G3BP2: variants seen among roughly 807,000 people sequenced by gnomAD.
G3BP2 encodes G3BP stress granule assembly factor 2, also known as ras GTPase-activating protein-binding protein 2.
Under a neutral mutation model 56.7 loss-of-function variants are expected in G3BP2, and 11 were observed. That is an observed-to-expected ratio of 0.19 (90% CI 0.12 to 0.32). The LOEUF is 0.32. Ranked by LOEUF, G3BP2 falls within the 10% of genes least tolerant of loss-of-function variation. The probability of loss-of-function intolerance (pLI) is 1.00; values close to 1 mark genes in which losing one functional copy is unlikely to be tolerated. For synonymous variants in G3BP2, 165 were observed against 191.6 expected, an observed-to-expected ratio of 0.86 and a Z score of 1.15; for missense variants, 340 against 610.9, an observed-to-expected ratio of 0.56 and a Z score of 4.67.
chr4:75,701,827 T>C (rs1017178265), intron 3 of G3BP2, among the ~76,000 whole-genome samples: 1 of 152,174 alleles, frequency 6.6e-6, no homozygotes, highest in Non-Finnish European at 1.5e-5. Flanking sequence ...TTCTACCCAC[T>C]GGAATACTCT....
chr4:75,692,583 T>A (rs1718906408), intron 3 of G3BP2, among the ~76,000 whole-genome samples: 1 of 152,154 alleles, frequency 6.6e-6, no homozygotes, highest in Non-Finnish European at 1.5e-5. Flanking sequence ...GTGCTGAGAT[T>A]ACAGGTGTGA....
rs1351478020 is a variant in G3BP2 at position 75,645,209 on chromosome 4, T to C, written c.*221A>G. On this transcript the variant is annotated 3_prime_UTR_variant, in exon 12 of 12. Transcript: ENST00000359707. Reference sequence around the variant, plus strand: ...TTAAGATATGGTCATTTCTCAGTCCTTAATTCTCCAAGTCTAGATTTATAA... The same window carrying C: ...TTAAGATATGGTCATTTCTCAGTCCCTAATTCTCCAAGTCTAGATTTATAA... 1.7e-6 allele frequency: 1 copy of C among 578,238 alleles called. No homozygotes were observed. The highest frequency in any genetic ancestry group is 3.3e-5 in the Admixed American group (1 of 30,254). 35.8% of individuals were successfully genotyped at this position (578,238 alleles called of 1,614,324 possible).
chr4:75,689,658 T>C (rs555729603), intron 3 of G3BP2, among the ~76,000 whole-genome samples: 2 of 152,342 alleles, frequency 1.3e-5, no homozygotes, highest in South Asian at 2.1e-4. Flanking sequence ...GATCAAATTA[T>C]TTTTACACTG....
At position 75,643,377 on chromosome 4, in the gene G3BP2, G is replaced by C. The variant is rs1194893469; in HGVS notation, c.*2053C>G. 6.9e-6 allele frequency: 1 copy of C among 144,708 alleles called. No homozygotes were observed. Among genetic ancestry groups the C allele is most frequent in the Non-Finnish European group, 1.5e-5 (1 of 66,236 alleles). The allele number at this position is 144,708 out of a possible 1,614,324, so 9.0% of individuals were successfully genotyped here. On this transcript the variant is annotated 3_prime_UTR_variant, in exon 12 of 12. Coordinates refer to ENST00000359707, the MANE Select transcript of G3BP2 (RefSeq NM_203505.3). ...AAAAAACATTGACAATAAAACAACT[G>C]CTTCTTTAAAAGTAGTATTAATAAA...
At chr4:75,682,982 CAAA>C (rs36085589) in intron 3 of G3BP2, among the ~76,000 whole-genome samples, 2 of 126,198 alleles carry the variant, frequency 1.6e-5, no homozygotes, top group African/African-American at 2.9e-5. Context: ...GACTCCGTCT[CAAA>C]AAAAAAAAAA....
At chr4:75,688,098 A>G (rs1718686089) in intron 3 of G3BP2, among the ~76,000 whole-genome samples, 1 of 152,132 alleles carries the variant, frequency 6.6e-6, no homozygotes, top group South Asian at 2.1e-4. Context: ...GTAACCCCCT[A>G]ATAAAACTCT....
At position 75,645,368 on chromosome 4, in the gene G3BP2, T is replaced by A; in HGVS notation, c.*62A>T. On this transcript the variant is annotated 3_prime_UTR_variant, in exon 12 of 12. Transcript: ENST00000359707. ...CACATTCCAAAGCCAAAAAAAAAAT[T>A]AACAAGAATGCAAACACGATGAATA... The A allele has an allele frequency of 1.3e-6, 2 of 1,488,102 alleles. No individual in the cohort carries two copies. Among genetic ancestry groups the A allele is most frequent in the South Asian group, 2.6e-5 (2 of 76,908 alleles). The allele number at this position is 1,488,102 out of a possible 1,614,324, so 92.2% of individuals were successfully genotyped here. A position where few individuals can be genotyped will look rare whatever the true frequency, so the allele number is the denominator to read the frequency against.
chr4:75,658,529 G>C (rs533433162), intron 3 of G3BP2, among the ~76,000 whole-genome samples: 1 of 151,580 alleles, frequency 6.6e-6, no homozygotes, highest in Admixed American at 6.6e-5. Flanking sequence ...TTGGGAGTTC[G>C]AGACCAGCCT....
At chr4:75,711,196 G>A (rs541486278) in intron 3 of G3BP2, among the ~76,000 whole-genome samples, 13 of 151,752 alleles carry the variant, frequency 8.6e-5, no homozygotes, top group African/African-American at 3.1e-4. Context: ...GCGGGTGCCT[G>A]TAATCCCAGC....
intron 9 of G3BP2, 146 bp from the exon 10 acceptor site, chr4:75,647,303 C>T: frequency 1.9e-6 from 1 of 534,616 alleles, no homozygotes; most frequent in South Asian, 3.0e-5. Flanking sequence ...GGCAAAAGTA[C>T]TTATTACTAG....
At chr4:75,661,826 CA>C in intron 2 of G3BP2, 104 bp downstream of exon 2, 1 of 632,616 alleles carries the variant, frequency 1.6e-6, no homozygotes, top group Non-Finnish European at 2.9e-6. Context: ...GACATGTTTA[CA>C]AAGATACTGT....
chr4:75,674,708 A>ATG (rs1733773086), upstream of G3BP2, among the ~76,000 whole-genome samples: 1 of 44,248 alleles, frequency 2.3e-5, no homozygotes, highest in Non-Finnish European at 4.6e-5. Context: ...ATATATATAT[A>ATG]TATATATATA....
chr4:75,718,220 T>C (rs1426465042), intron 3 of G3BP2, among the ~76,000 whole-genome samples: 2 of 110,802 alleles, frequency 1.8e-5, no homozygotes, highest in Admixed American at 2.1e-4. Context: ...AATTTAGGTG[T>C]TTCTTCTTTC....
At chr4:75,665,616 CAA>C (rs1732953484) in intron 1 of G3BP2, among the ~76,000 whole-genome samples, 1 of 51,070 alleles carries the variant, frequency 2.0e-5, no homozygotes, top group African/African-American at 1.6e-4. Flanking sequence ...CCTGTAGTCA[CAA>C]ACACACAAAC....
chr4:75,654,159 T>C, intron 7 of G3BP2, 78 bp from the exon 8 acceptor site: 1 of 717,246 alleles, frequency 1.4e-6, no homozygotes, highest in Non-Finnish European at 2.5e-6. Context: ...TCCAAATATA[T>C]ATTTTCTTTT....
At chr4:75,649,612 C>T (rs1042904598) in intron 8 of G3BP2, among the ~76,000 whole-genome samples, 8 of 152,110 alleles carry the variant, frequency 5.3e-5, no homozygotes, top group Non-Finnish European at 1.0e-4. Flanking sequence ...CTTCTACTAC[C>T]CAAATATTTA....
chr4:75,647,277 A>G, intron 9 of G3BP2, 120 bp from the exon 10 acceptor site: 1 of 630,576 alleles, frequency 1.6e-6, no homozygotes. Context: ...AGACTAGGTG[A>G]GCTTCTTGAA....
intron 3 of G3BP2, 91 bp downstream of exon 3, chr4:75,658,749 AAAG>A: frequency 2.5e-6 from 2 of 813,474 alleles, no homozygotes; most frequent in Non-Finnish European, 4.2e-6. Flanking sequence ...AGAAAGAAAG[AAAG>A]AAAAAAAAAG....
At chr4:75,673,892 T>G (rs991930668), upstream of G3BP2, 2 of 177,254 alleles carry the variant, frequency 1.1e-5, no homozygotes, top group African/African-American at 4.7e-5. Flanking sequence ...CTCACCTACA[T>G]TGTTTACTTA....
Sources: allele counts gnomAD v4.1 joint callset (sites outside exome capture counted in the v4.1 genomes callset), GRCh38; gene constraint gnomAD v4.1.1; transcripts MANE v1.5; gene names NCBI Gene and HGNC (gene_info 2026-07-23, HGNC 2026-07-21).